Variants in CDK19 observed in about 807,000 individuals in gnomAD.
CDK19 encodes the protein cyclin dependent kinase 19.
CDK19 carries 20 observed loss-of-function variants against 68.3 expected under a neutral mutation model. That is an observed-to-expected ratio of 0.29 (90% CI 0.21 to 0.43). The LOEUF (loss-of-function observed/expected upper bound fraction) is 0.43. Among genes scored for constraint, CDK19 ranks in the 20% least tolerant of loss-of-function variants. CDK19 has a pLI of 1.00. For synonymous variants in CDK19, 221 were observed against 222.8 expected, an observed-to-expected ratio of 0.99 and a Z score of 0.07; for missense variants, 339 against 623.5, an observed-to-expected ratio of 0.54 and a Z score of 4.86.
At chr6:110,730,719 G>A (rs1776685089) in intron 2 of CDK19, among the ~76,000 whole-genome samples, 1 of 152,128 alleles carries the variant, frequency 6.6e-6, no homozygotes, top group South Asian at 2.1e-4. Flanking sequence ...TGTCACCTTT[G>A]GACCAGCAGC....
intron 2 of CDK19, among the ~76,000 whole-genome samples, chr6:110,685,542 T>C (rs931706934): frequency 1.3e-5 from 2 of 152,222 alleles, no homozygotes; most frequent in Non-Finnish European, 2.9e-5. Context: ...ACATTTCCAT[T>C]GTCTTGCACA....
intron 1 of CDK19, among the ~76,000 whole-genome samples, chr6:110,759,588 G>A (rs930055458): frequency 4.4e-4 from 67 of 150,772 alleles, no homozygotes; most frequent in African/African-American, 1.6e-3. Flanking sequence ...AGCAGTTCAA[G>A]GCCAACCTGG....
At chr6:110,759,289 C>CTG (rs1779031962) in intron 1 of CDK19, among the ~76,000 whole-genome samples, 2 of 150,020 alleles carry the variant, frequency 1.3e-5, no homozygotes, top group Admixed American at 6.6e-5. Context: ...CCTGTAGTCC[C>CTG]AGCTACTCGG....
At chr6:110,710,874 T>A (rs1453900365) in intron 2 of CDK19, among the ~76,000 whole-genome samples, 1 of 152,158 alleles carries the variant, frequency 6.6e-6, no homozygotes, top group African/African-American at 2.4e-5. Context: ...GGTAATCTAA[T>A]CTACAAGGCT....
intron 1 of CDK19, among the ~76,000 whole-genome samples, chr6:110,762,481 T>C (rs1243917969): frequency 1.3e-5 from 2 of 152,224 alleles, no homozygotes; most frequent in African/African-American, 4.8e-5. Context: ...ACTTGGGCTA[T>C]GGACTTATAT....
chr6:110,718,979 C>T (rs1253323183), intron 2 of CDK19, among the ~76,000 whole-genome samples: 2 of 152,030 alleles, frequency 1.3e-5, no homozygotes, highest in Non-Finnish European at 1.5e-5. Flanking sequence ...AGTCCTTGTA[C>T]TACTCTGGCA....
Position 110,614,519 on chromosome 6 carries a change from G to T in CDK19, c.*16C>A. On this transcript the variant is annotated 3_prime_UTR_variant, in exon 13 of 13. Coordinates refer to ENST00000368911, the MANE Select transcript of CDK19 (RefSeq NM_015076.5). ...CTGTGCTCTGGGCTGGGCTGGCCTGGCCCAACGGGAGCTGGTCAGTACCGG... is the reference window on the plus strand; with the variant it reads ...CTGTGCTCTGGGCTGGGCTGGCCTGTCCCAACGGGAGCTGGTCAGTACCGG... 1 of 1,612,440 alleles carries T rather than the reference G, an allele frequency of 6.2e-7. No homozygotes were observed.
At chr6:110,777,700 T>C (rs1365967616) in intron 1 of CDK19, among the ~76,000 whole-genome samples, 2 of 152,214 alleles carry the variant, frequency 1.3e-5, no homozygotes, top group East Asian at 3.8e-4. Flanking sequence ...TACCCATGTT[T>C]GTAGCACCAT....
intron 1 of CDK19, among the ~76,000 whole-genome samples, chr6:110,802,238 T>G (rs958410024): frequency 2.0e-5 from 3 of 152,202 alleles, no homozygotes; most frequent in Non-Finnish European, 4.4e-5. Flanking sequence ...ACTCGTATAT[T>G]TATCATAACA....
intron 2 of CDK19, among the ~76,000 whole-genome samples, chr6:110,677,941 C>G (rs543076188): frequency 6.6e-6 from 1 of 152,272 alleles, no homozygotes; most frequent in East Asian, 1.9e-4. Context: ...CCTCAAACTC[C>G]TGGGCTCAAG....
intron 1 of CDK19, among the ~76,000 whole-genome samples, chr6:110,760,485 T>C (rs1399656227): frequency 6.6e-6 from 1 of 151,064 alleles, no homozygotes; most frequent in Non-Finnish European, 1.5e-5. Context: ...TTCAAAACTT[T>C]GGGAGGCTGA....
At chr6:110,702,090 G>A (rs995080977) in intron 2 of CDK19, among the ~76,000 whole-genome samples, 4 of 151,870 alleles carry the variant, frequency 2.6e-5, no homozygotes, top group Admixed American at 6.6e-5. Flanking sequence ...GCAGTGAGCC[G>A]AGATTGTTCT....
At chr6:110,629,872 T>G (rs1037137645) in intron 6 of CDK19, among the ~76,000 whole-genome samples, 3 of 152,252 alleles carry the variant, frequency 2.0e-5, no homozygotes, top group African/African-American at 7.2e-5. Context: ...GTTTTTATCT[T>G]TAAGCGGTAA....
At chr6:110,666,817 T>A (rs1781972551) in intron 4 of CDK19, among the ~76,000 whole-genome samples, 2 of 151,992 alleles carry the variant, frequency 1.3e-5, no homozygotes, top group African/African-American at 4.8e-5. Flanking sequence ...AAAAGAAACT[T>A]GCATCAACAT....
intron 3 of CDK19, among the ~76,000 whole-genome samples, chr6:110,669,599 G>C (rs1424520958): frequency 6.6e-6 from 1 of 152,178 alleles, no homozygotes; most frequent in Non-Finnish European, 1.5e-5. Flanking sequence ...TGTGCAAGGT[G>C]GCAAGACCTT....
At chr6:110,759,416 A>AT (rs1562264973) in intron 1 of CDK19, among the ~76,000 whole-genome samples, 77 of 113,542 alleles carry the variant, frequency 6.8e-4, no homozygotes, top group African/African-American at 2.9e-3. Flanking sequence ...AAAAAAAAAA[A>AT]AAAAAAAAAA....
chr6:110,673,241 C>T (rs1429937314), intron 2 of CDK19, among the ~76,000 whole-genome samples: 1 of 152,074 alleles, frequency 6.6e-6, no homozygotes, highest in Non-Finnish European at 1.5e-5. Context: ...AATATAATGT[C>T]TTCAAGGTTC....
chr6:110,712,619 C>T (rs1775027993), intron 2 of CDK19, among the ~76,000 whole-genome samples: 1 of 152,124 alleles, frequency 6.6e-6, no homozygotes, highest in African/African-American at 2.4e-5. Context: ...TTCTTGCCGC[C>T]CAGGTTTCCT....
intron 1 of CDK19, among the ~76,000 whole-genome samples, chr6:110,793,989 C>T (rs528596486): frequency 2.2e-4 from 34 of 152,224 alleles, no homozygotes; most frequent in Admixed American, 2.2e-3. Context: ...TTGCACAAAG[C>T]CAGAATGACA....
Sources: allele counts gnomAD v4.1 joint callset (sites outside exome capture counted in the v4.1 genomes callset), GRCh38; gene constraint gnomAD v4.1.1; transcripts MANE v1.5; gene names NCBI Gene and HGNC (gene_info 2026-07-23, HGNC 2026-07-21).